MALRD1: variants seen among roughly 807,000 people sequenced by gnomAD.
MALRD1 encodes MAM and LDL receptor class A domain containing 1.
In MALRD1, 247 loss-of-function variants were observed where a neutral mutation model predicts 242.1. That is an observed-to-expected ratio of 1.02 (90% CI 0.92 to 1.13). The LOEUF is 1.13. Among genes scored for constraint, MALRD1 ranks in the 50% most tolerant of loss-of-function variants. The pLI, the probability that MALRD1 is intolerant of heterozygous loss-of-function variation, is 0.00. For synonymous variants in MALRD1, 995 were observed against 866.6 expected (o/e 1.15, Z -2.60); for missense variants, 2,989 against 2,533.1 (o/e 1.18, Z -3.86).
intron 28 of MALRD1, among the ~76,000 whole-genome samples, chr10:19,397,414 G>T (rs1434592540): frequency 6.6e-6 from 1 of 152,062 alleles, no homozygotes; most frequent in Non-Finnish European, 1.5e-5. Context: ...CAAATAACAG[G>T]ATTTCATTTT....
At chr10:19,186,195 A>G (rs1166412655) in intron 14 of MALRD1, among the ~76,000 whole-genome samples, 1 of 152,168 alleles carries the variant, frequency 6.6e-6, no homozygotes, top group Admixed American at 6.5e-5. Context: ...TTTCCTTAGT[A>G]AACTGGATTT....
chr10:19,203,533 C>T lies in MALRD1; in HGVS notation c.1952-195C>T, dbSNP rs12260057. The stretch of plus-strand genomic sequence containing the variant: ...TCTTAAATTGAGAATTCTGCCTTCT[C>T]GATCTCCAGTATGGAAAGCATAGCT... On this transcript the variant is annotated intron_variant, in intron 14 of 39. Coordinates refer to ENST00000454679, the MANE Select transcript of MALRD1 (RefSeq NM_001142308.3). Among the ~76,000 whole-genome samples, 1,222 of 152,312 alleles carry T rather than the reference C, an allele frequency of 8.0e-3. 18 individuals carry two copies. Among genetic ancestry groups the T allele is most frequent in the African/African-American group, 0.028 (1,157 of 41,558 alleles).
chr10:19,363,826 A>C (rs1054195934), intron 26 of MALRD1, among the ~76,000 whole-genome samples: 13 of 152,110 alleles, frequency 8.5e-5, no homozygotes, highest in Admixed American at 3.9e-4. Flanking sequence ...TTCTTTAAAA[A>C]TTCTAACTCC....
chr10:19,541,059 T>G (rs779011028), intron 32 of MALRD1, among the ~76,000 whole-genome samples: 25 of 152,340 alleles, frequency 1.6e-4, no homozygotes, highest in Middle Eastern at 3.4e-3. Context: ...TTATTGTATT[T>G]CTTTTATTAT....
intron 26 of MALRD1, among the ~76,000 whole-genome samples, chr10:19,363,508 T>C (rs182104349): frequency 1.4e-4 from 21 of 152,238 alleles, no homozygotes; most frequent in African/African-American, 4.6e-4. Flanking sequence ...AAGGCAGTGG[T>C]GAATTTTATG....
intron 38 of MALRD1, among the ~76,000 whole-genome samples, chr10:19,720,042 A>AT (rs920304895): frequency 5.9e-5 from 9 of 151,978 alleles, no homozygotes; most frequent in African/African-American, 1.2e-4. Flanking sequence ...ACTCTGTGCA[A>AT]TTTTTTTCTA....
At chr10:19,259,014 G>A (rs959153004) in intron 19 of MALRD1, among the ~76,000 whole-genome samples, 1 of 152,028 alleles carries the variant, frequency 6.6e-6, no homozygotes, top group Non-Finnish European at 1.5e-5. Flanking sequence ...AGCAACCAGT[G>A]TCTATGCATG....
chr10:19,653,185 T>G (rs773379547), intron 36 of MALRD1, among the ~76,000 whole-genome samples: 1 of 151,946 alleles, frequency 6.6e-6, no homozygotes, highest in Admixed American at 6.6e-5. Context: ...CTGATTTCTC[T>G]TTTATATTTT....
chr10:19,103,521 C>G (rs1057310230), intron 4 of MALRD1, among the ~76,000 whole-genome samples: 1 of 130,054 alleles, frequency 7.7e-6, no homozygotes, highest in Non-Finnish European at 1.6e-5. Context: ...CACTGCACTC[C>G]GGCCTGGGTG....
intron 29 of MALRD1, among the ~76,000 whole-genome samples, chr10:19,456,124 G>A (rs920601189): frequency 6.6e-6 from 1 of 151,934 alleles, no homozygotes; most frequent in African/African-American, 2.4e-5. Flanking sequence ...AGGGAACAGA[G>A]AATGTTTCCA....
intron 36 of MALRD1, among the ~76,000 whole-genome samples, chr10:19,668,471 A>G (rs1055286766): frequency 3.3e-5 from 5 of 152,184 alleles, no homozygotes; most frequent in Non-Finnish European, 5.9e-5. Context: ...TTAGTCATCA[A>G]TGCACCCAGA....
At chr10:19,358,026 T>C (rs7922143) in intron 26 of MALRD1, among the ~76,000 whole-genome samples, 24,544 of 151,984 alleles carry the variant, frequency 0.16, 2,028 homozygotes, top group African/African-American at 0.2. Context: ...ATTTTGTTAA[T>C]TGCTAAATGA....
At chr10:19,523,229 G>A (rs893567273) in intron 31 of MALRD1, among the ~76,000 whole-genome samples, 1 of 152,192 alleles carries the variant, frequency 6.6e-6, no homozygotes, top group South Asian at 2.1e-4. Context: ...AAAGTCTACA[G>A]CTCCAGTGCC....
Position 19,222,136 on chromosome 10 carries a change from T to TCTCCTTGAGTTTCCTTCTTGTTCCCTCC in MALRD1, c.2991+12461_2991+12488dup, listed in dbSNP as rs575580205. Among the ~76,000 whole-genome samples the TCTCCTTGAGTTTCCTTCTTGTTCCCTCC allele has an allele frequency of 1.6e-4, 25 of 152,122 alleles. No individual in the cohort carries two copies. The South Asian group carries it at 5.2e-3, about 32-fold the overall frequency. On this transcript the variant is annotated intron_variant, in intron 18 of 39. Coordinates refer to ENST00000454679, the MANE Select transcript of MALRD1 (RefSeq NM_001142308.3). ...TCTTGCCAGCCTCCTTCCCTTCCTC[T>TCTCCTTGAGTTTCCTTCTTGTTCCCTCC]CTCCTTGAGTTTCCTTCTTGTTCCC...
chr10:19,356,926 TG>T (rs890221699), intron 26 of MALRD1, among the ~76,000 whole-genome samples: 3 of 151,938 alleles, frequency 2.0e-5, no homozygotes, highest in African/African-American at 7.2e-5. Context: ...CTGACCAACA[TG>T]GCAAAACCCC....
At chr10:19,343,768 T>C (rs1843988473) in intron 24 of MALRD1, among the ~76,000 whole-genome samples, 1 of 152,144 alleles carries the variant, frequency 6.6e-6, no homozygotes, top group African/African-American at 2.4e-5. Context: ...TTGCATCGTG[T>C]CACACTACCA....
At chr10:19,404,990 A>G (rs963238099) in intron 28 of MALRD1, among the ~76,000 whole-genome samples, 4 of 152,184 alleles carry the variant, frequency 2.6e-5, no homozygotes, top group Non-Finnish European at 4.4e-5. Context: ...TGTCCTTTGT[A>G]TATTCATGAA....
intron 27 of MALRD1, chr10:19,389,207 A>C (rs1483150658): frequency 3.3e-6 from 2 of 601,572 alleles, no homozygotes; most frequent in Non-Finnish European, 6.2e-6. Context: ...CGACGGCATA[A>C]ATATCCCATC....
chr10:19,066,665 T>G (rs1406747382), intron 1 of MALRD1, 54 bp from the exon 2 acceptor site: 3 of 1,209,304 alleles, frequency 2.5e-6, no homozygotes, highest in Admixed American at 8.5e-5. Flanking sequence ...ATTGTCTTAT[T>G]TTTTAAAAAG....
Sources: gnomAD v4.1 joint callset for allele counts (sites outside exome capture counted in the v4.1 genomes callset) on GRCh38, gnomAD v4.1.1 for gene constraint, MANE v1.5 for transcripts, NCBI Gene and HGNC (gene_info 2026-07-23, HGNC 2026-07-21) for gene names.